Variants in CPNE5 observed in about 807,000 individuals in gnomAD.
The protein encoded by CPNE5 is copine 5.
Under a neutral mutation model 81.1 loss-of-function variants are expected in CPNE5, and 42 were observed. The observed-to-expected ratio is 0.52, with a 90% confidence interval of 0.40 to 0.67. CPNE5 has a LOEUF of 0.67. Ranked by LOEUF, CPNE5 falls within the 30% of genes least tolerant of loss-of-function variation. The pLI is 0.00. For missense variants in CPNE5, 612 were observed against 815.5 expected, an observed-to-expected ratio of 0.75 and a Z score of 3.04; for synonymous variants, 313 against 321.5, an observed-to-expected ratio of 0.97 and a Z score of 0.28.
intron 10 of CPNE5, among the ~76,000 whole-genome samples, chr6:36,770,067 A>G (rs1766925317): frequency 6.6e-6 from 1 of 152,238 alleles, no homozygotes; most frequent in African/African-American, 2.4e-5. Context: ...GGCAAATTCC[A>G]GGAAGGCAGG....
At chr6:36,748,326 G>T in intron 14 of CPNE5, 59 bp from the exon 15 acceptor site, 2 of 1,508,852 alleles carry the variant, frequency 1.3e-6, no homozygotes, top group Non-Finnish European at 1.8e-6. Flanking sequence ...GTGGGAGGGG[G>T]GACAGTGCTA....
intron 2 of CPNE5, 78 bp from the exon 3 acceptor site, chr6:36,822,238 C>A (rs2150588016): frequency 7.7e-7 from 1 of 1,295,996 alleles, no homozygotes. Context: ...AGGATCCTGG[C>A]TGGGCAGGCG....
At chr6:36,792,883 A>C (rs1769227684) in intron 7 of CPNE5, among the ~76,000 whole-genome samples, 1 of 152,108 alleles carries the variant, frequency 6.6e-6, no homozygotes, top group East Asian at 1.9e-4. Flanking sequence ...GGGGAGTCCC[A>C]GTGTAGTCAG....
At chr6:36,785,647 T>C (rs1768464078) in intron 8 of CPNE5, among the ~76,000 whole-genome samples, 1 of 152,128 alleles carries the variant, frequency 6.6e-6, no homozygotes, top group African/African-American at 2.4e-5. Context: ...GGCAGTAGTA[T>C]GGTTTGAGGC....
intron 1 of CPNE5, chr6:36,827,352 C>T (rs1326196585): frequency 2.0e-6 from 2 of 985,434 alleles, no homozygotes; most frequent in Non-Finnish European, 2.4e-6. Flanking sequence ...GGTGGCTTCA[C>T]CCCGTGAACA....
intron 3 of CPNE5, among the ~76,000 whole-genome samples, chr6:36,807,625 C>T (rs1770712434): frequency 6.6e-6 from 1 of 152,140 alleles, no homozygotes; most frequent in Admixed American, 6.5e-5. Context: ...CCTTTCTGCT[C>T]ATCTTCCACA....
chr6:36,798,641 T>C, intron 4 of CPNE5, 147 bp from the exon 5 acceptor site: 2 of 699,744 alleles, frequency 2.9e-6, no homozygotes, highest in Non-Finnish European at 5.0e-6. Context: ...TTGGAAGACA[T>C]GACAGGGAGC....
chr6:36,785,931 T>G (rs1768492708), intron 8 of CPNE5, among the ~76,000 whole-genome samples: 1 of 146,002 alleles, frequency 6.8e-6, no homozygotes. Flanking sequence ...GAGAATTGCT[T>G]GAACCCGGGA....
rs4711463 is a variant in CPNE5 at position 36,766,775 on chromosome 6, G to T, written c.738-1399C>A. ...CTGCAAGAACAAGCTAGTAAGGCCC[G>T]CCTGCTGCATGGGAGGGTCTCTACA... On this transcript the variant is annotated intron_variant, in intron 10 of 20. Transcript: ENST00000244751. The surrounding 1 kb of genome is among the most constrained non-coding windows in gnomAD (Gnocchi z 4.2). Among the ~76,000 whole-genome samples, 55 of 152,288 alleles carry T rather than the reference G, an allele frequency of 3.6e-4. No homozygotes were observed. The highest frequency in any genetic ancestry group is 1.2e-3 in the African/African-American group (49 of 41,570).
chr6:36,775,098 G>A (rs773708315), intron 9 of CPNE5, 33 bp from the exon 10 acceptor site: 54 of 1,563,936 alleles, frequency 3.5e-5, no homozygotes, highest in Non-Finnish European at 4.5e-5. Flanking sequence ...AAGGCTGTCA[G>A]GCCCAAACCC....
intron 3 of CPNE5, among the ~76,000 whole-genome samples, chr6:36,802,332 T>C (rs1770198472): frequency 6.6e-6 from 1 of 151,290 alleles, no homozygotes; most frequent in South Asian, 2.1e-4. Flanking sequence ...TACCATGCAC[T>C]TGGGGTCCCA....
At chr6:36,804,822 G>A (rs1191242139) in intron 3 of CPNE5, among the ~76,000 whole-genome samples, 1 of 152,106 alleles carries the variant, frequency 6.6e-6, no homozygotes, top group South Asian at 2.1e-4. Context: ...GACACGGAGG[G>A]GAACTCCAAG....
At chr6:36,779,445 C>G (rs1164019608) in intron 8 of CPNE5, among the ~76,000 whole-genome samples, 1 of 152,202 alleles carries the variant, frequency 6.6e-6, no homozygotes. Flanking sequence ...GCTTGATCTG[C>G]AAGCCCCAAA....
intron 1 of CPNE5, among the ~76,000 whole-genome samples, chr6:36,835,804 CA>C (rs112360661): frequency 2.6e-3 from 316 of 123,290 alleles, no homozygotes; most frequent in African/African-American, 2.6e-3. Flanking sequence ...AACTCCGTCT[CA>C]AAAAAAAAAA....
chr6:36,761,583 G>A (rs1766030520), intron 12 of CPNE5, among the ~76,000 whole-genome samples: 1 of 152,240 alleles, frequency 6.6e-6, no homozygotes, highest in Non-Finnish European at 1.5e-5. Flanking sequence ...CTGCTAGCAT[G>A]AGGACAGTGC....
chr6:36,768,208 C>G (rs1022876363), intron 10 of CPNE5, among the ~76,000 whole-genome samples: 8 of 108,508 alleles, frequency 7.4e-5, no homozygotes, highest in Non-Finnish European at 1.6e-4. Flanking sequence ...AAGGCTTTGA[C>G]TACTCTATTC....
chr6:36,801,807 G>T (rs1213267781), intron 3 of CPNE5, among the ~76,000 whole-genome samples: 1 of 152,098 alleles, frequency 6.6e-6, no homozygotes, highest in Non-Finnish European at 1.5e-5. Context: ...AGGGTGGAGG[G>T]GTATAGGGGG....
intron 1 of CPNE5, among the ~76,000 whole-genome samples, chr6:36,830,707 T>C (rs997042174): frequency 2.6e-5 from 4 of 152,208 alleles, no homozygotes; most frequent in African/African-American, 2.4e-5. Flanking sequence ...TGGCGACATG[T>C]GGCCCTGACA....
At chr6:36,768,225 CTTTTTTTTTT>C (rs10586762) in intron 10 of CPNE5, among the ~76,000 whole-genome samples, 4 of 60,496 alleles carry the variant, frequency 6.6e-5, no homozygotes, top group African/African-American at 1.3e-4. Flanking sequence ...ATTCACAGTT[CTTTTTTTTTT>C]TTTTTTTTTT....
Sources: allele counts gnomAD v4.1 joint callset (sites outside exome capture counted in the v4.1 genomes callset), GRCh38; gene constraint gnomAD v4.1.1; non-coding constraint Gnocchi (gnomAD v3.1); transcripts MANE v1.5; gene names NCBI Gene and HGNC (gene_info 2026-07-23, HGNC 2026-07-21).